SRGAP1: variants seen among roughly 807,000 people sequenced by gnomAD.
The protein encoded by SRGAP1 is SLIT-ROBO Rho GTPase-activating protein 1.
SRGAP1 carries 43 observed loss-of-function variants against 121.9 expected under a neutral mutation model. The ratio of observed to expected loss-of-function variants is 0.35; its 90% CI spans 0.28 to 0.46. The LOEUF (loss-of-function observed/expected upper bound fraction) is 0.46, where lower values mean the gene tolerates loss of function less well. Ranked by LOEUF, SRGAP1 falls within the 20% of genes least tolerant of loss-of-function variation. The pLI, the probability that SRGAP1 is intolerant of heterozygous loss-of-function variation, is 1.00. For missense variants in SRGAP1, 1,102 were observed against 1,350.9 expected, an observed-to-expected ratio of 0.82 and a Z score of 2.89; for synonymous variants, 447 against 485.4, an observed-to-expected ratio of 0.92 and a Z score of 1.04.
intron 1 of SRGAP1, among the ~76,000 whole-genome samples, chr12:63,922,809 A>G (rs2031113931): frequency 3.9e-5 from 6 of 152,214 alleles, no homozygotes; most frequent in Admixed American, 3.9e-4. Flanking sequence ...ATTCATTTGT[A>G]CAGAGTCTGG....
At chr12:63,963,001 C>T (rs2032687624) in intron 1 of SRGAP1, among the ~76,000 whole-genome samples, 1 of 152,066 alleles carries the variant, frequency 6.6e-6, no homozygotes, top group Non-Finnish European at 1.5e-5. Flanking sequence ...GTTTCTTTTA[C>T]TTGCTTTAAT....
chr12:63,950,636 C>G (rs2032256077), intron 1 of SRGAP1, among the ~76,000 whole-genome samples: 1 of 152,098 alleles, frequency 6.6e-6, no homozygotes, highest in Admixed American at 6.6e-5. Context: ...CTGTGTCCCT[C>G]CGTGCCCTCC....
chr12:64,022,284 A>G lies in SRGAP1; in HGVS notation c.489+5272A>G, dbSNP rs142063608. On this transcript the variant is annotated intron_variant, in intron 4 of 21. Transcript: ENST00000355086. ...AGATCCAGCCAGGAGGGTTAATGGT[A>G]TAGTTCTTGTCTGAGTTCAGGCCTG... Among the ~76,000 whole-genome samples, 4 of 152,304 alleles carry G rather than the reference A, an allele frequency of 2.6e-5. No homozygotes were observed. The East Asian group carries it at 7.7e-4, about 29-fold the overall frequency.
At chr12:63,885,793 T>C (rs1900360328) in intron 1 of SRGAP1, among the ~76,000 whole-genome samples, 1 of 152,206 alleles carries the variant, frequency 6.6e-6, no homozygotes, top group South Asian at 2.1e-4. Flanking sequence ...AACAAATGAC[T>C]GCACCAAGGG....
intron 15 of SRGAP1, among the ~76,000 whole-genome samples, chr12:64,099,845 A>C (rs370629422): frequency 7.2e-5 from 11 of 152,158 alleles, no homozygotes; most frequent in African/African-American, 2.7e-4. Context: ...GTTGGGCCAC[A>C]TTGTCAGTTA....
chr12:64,017,117 A>T, intron 4 of SRGAP1, 105 bp downstream of exon 4: 2 of 656,968 alleles, frequency 3.0e-6, no homozygotes, highest in Admixed American at 5.5e-5. Context: ...GTGACAATGG[A>T]TCCTCATCTG....
chr12:63,962,614 G>T (rs1394846233), intron 1 of SRGAP1, among the ~76,000 whole-genome samples: 1 of 152,104 alleles, frequency 6.6e-6, no homozygotes, highest in Admixed American at 6.5e-5. Context: ...TTCCACATTG[G>T]CCAGGCTGGT....
intron 3 of SRGAP1, among the ~76,000 whole-genome samples, chr12:64,006,125 C>G (rs1272531000): frequency 6.6e-6 from 1 of 152,142 alleles, no homozygotes; most frequent in Non-Finnish European, 1.5e-5. Flanking sequence ...GAAGAAAGGC[C>G]TCACAGAGAG....
At chr12:64,069,832 T>G (rs907774656) in intron 8 of SRGAP1, among the ~76,000 whole-genome samples, 1 of 152,268 alleles carries the variant, frequency 6.6e-6, no homozygotes, top group Middle Eastern at 3.4e-3. Flanking sequence ...CAAATAACTA[T>G]TTTGAATTAT....
At chr12:64,120,749 A>C (rs1472655613) in intron 18 of SRGAP1, among the ~76,000 whole-genome samples, 1 of 152,128 alleles carries the variant, frequency 6.6e-6, no homozygotes, top group African/African-American at 2.4e-5. Context: ...AAAAATTAAA[A>C]AGCTTAAGGT....
intron 1 of SRGAP1, among the ~76,000 whole-genome samples, chr12:63,969,742 C>G (rs757045999): frequency 1.3e-5 from 2 of 151,310 alleles, no homozygotes; most frequent in African/African-American, 4.9e-5. Context: ...TGCAGTGAAC[C>G]GAGATTGTGC....
Position 64,115,901 on chromosome 12 carries a change from C to T in SRGAP1, c.2224+8C>T, listed in dbSNP as rs1219265997. ...CCCACACAAGTGAAGATGGTATGCTCTCCCCTTATGCTATTATAAAGCCAG... is the reference window on the plus strand; with the variant it reads ...CCCACACAAGTGAAGATGGTATGCTTTCCCCTTATGCTATTATAAAGCCAG... On this transcript the variant is annotated splice_region_variant and intron_variant, in intron 18 of 21. Transcript: ENST00000355086. 4 of 1,607,710 alleles carry T rather than the reference C, an allele frequency of 2.5e-6. No individual in the cohort carries two copies. Among genetic ancestry groups the T allele is most frequent in the Non-Finnish European group, 3.4e-6 (4 of 1,176,102 alleles).
Position 64,078,951 on chromosome 12 carries a change from G to A in SRGAP1, c.1158G>A (p.Thr386=), listed in dbSNP as rs1370083561. 3.1e-6 allele frequency: 5 copies of A among 1,613,940 alleles called. No homozygotes were observed. The highest frequency in any genetic ancestry group is 2.2e-5 in the East Asian group (1 of 44,848). Reference sequence around the variant, plus strand: ...AAACGACTGAAGCCACCTTGCAGACGATACAAGATATGGTCACCATCGAGG... The same window carrying A: ...AAACGACTGAAGCCACCTTGCAGACAATACAAGATATGGTCACCATCGAGG... ...VKKTTEATLQ[T]IQDMVTIEDY... The change falls in exon 9 of 22, where the codon ACG becomes ACA. Residue 386 remains threonine (T), a synonymous_variant. Coordinates refer to ENST00000355086, the MANE Select transcript of SRGAP1 (RefSeq NM_020762.4).
intron 21 of SRGAP1, among the ~76,000 whole-genome samples, chr12:64,141,297 C>T (rs1174038487): frequency 2.6e-5 from 3 of 115,234 alleles, no homozygotes; most frequent in African/African-American, 6.8e-5. Context: ...AAAAGAAAAA[C>T]TTGGCCCGGC....
At chr12:64,098,224 C>T (rs1289349486) in intron 15 of SRGAP1, among the ~76,000 whole-genome samples, 1 of 152,082 alleles carries the variant, frequency 6.6e-6, no homozygotes. Flanking sequence ...CTACTCATCC[C>T]TCCTTCCCCA....
At chr12:63,847,959 A>G (rs1383916501) in intron 1 of SRGAP1, among the ~76,000 whole-genome samples, 1 of 151,474 alleles carries the variant, frequency 6.6e-6, no homozygotes, top group Non-Finnish European at 1.5e-5. Flanking sequence ...GTTTTGACCT[A>G]AAGGAATGAC....
chr12:64,093,595 C>G (rs574329864), intron 12 of SRGAP1, among the ~76,000 whole-genome samples: 1 of 152,182 alleles, frequency 6.6e-6, no homozygotes, highest in South Asian at 2.1e-4. Context: ...ACACTTATAT[C>G]TTAAAGAAAA....
intron 19 of SRGAP1, 135 bp downstream of exon 19, chr12:64,126,292 C>T: frequency 1.1e-6 from 1 of 942,146 alleles, no homozygotes. Context: ...AGGCACAGTT[C>T]CTTACCTTGC....
intron 1 of SRGAP1, among the ~76,000 whole-genome samples, chr12:63,880,442 G>A (rs542656995): frequency 1.3e-5 from 2 of 152,216 alleles, no homozygotes; most frequent in South Asian, 4.2e-4. Flanking sequence ...GTTTGGCCAG[G>A]CTGCTCTCAA....
Sources: allele counts gnomAD v4.1 joint callset (sites outside exome capture counted in the v4.1 genomes callset), GRCh38; gene constraint gnomAD v4.1.1; transcripts MANE v1.5; gene names NCBI Gene and HGNC (gene_info 2026-07-23, HGNC 2026-07-21).